PLCL1: variants seen among roughly 807,000 people sequenced by gnomAD.
The protein encoded by PLCL1 is phospholipase C like 1 (inactive).
Under a neutral mutation model 84.4 loss-of-function variants are expected in PLCL1, and 41 were observed. The ratio of observed to expected loss-of-function variants is 0.49; its 90% CI spans 0.38 to 0.63. The LOEUF is 0.63. Among genes scored for constraint, PLCL1 ranks in the 30% least tolerant of loss-of-function variants. The pLI, the probability that PLCL1 is intolerant of heterozygous loss-of-function variation, is 0.00. For synonymous variants in PLCL1, 490 were observed against 488.3 expected, an observed-to-expected ratio of 1.00 and a Z score of -0.05; for missense variants, 1,206 against 1,367.8, an observed-to-expected ratio of 0.88 and a Z score of 1.87.
At chr2:197,858,730 T>G (rs1033059892) in intron 1 of PLCL1, among the ~76,000 whole-genome samples, 1 of 152,150 alleles carries the variant, frequency 6.6e-6, no homozygotes, top group Non-Finnish European at 1.5e-5. Context: ...ATTCCAAAAC[T>G]TAGCAGCTTA....
At position 198,147,056 on chromosome 2, in the gene PLCL1, A is replaced by G. The variant is rs1364053334; in HGVS notation, c.*94A>G. 5 of 988,208 alleles carry G rather than the reference A, an allele frequency of 5.1e-6. No individual in the cohort carries two copies. Among genetic ancestry groups the G allele is most frequent in the Non-Finnish European group, 7.3e-6 (5 of 684,030 alleles). The allele number at this position is 988,208 out of a possible 1,614,324, so 61.2% of individuals were successfully genotyped here. ...TTTAAATGTTTTATAAGTTCACAAAATGGTGCCCTATATGGGGTATTGGAC... is the reference window on the plus strand; with the variant it reads ...TTTAAATGTTTTATAAGTTCACAAAGTGGTGCCCTATATGGGGTATTGGAC... On this transcript the variant is annotated 3_prime_UTR_variant, in exon 6 of 6. Transcript: ENST00000428675.
chr2:198,055,521 G>T (rs1160223031), intron 1 of PLCL1, among the ~76,000 whole-genome samples: 5 of 144,828 alleles, frequency 3.5e-5, no homozygotes, highest in South Asian at 2.2e-4. Flanking sequence ...CTTTTATTTT[G>T]TTTTTTTTTT....
chr2:197,924,164 A>AGGGG (rs1688788103), intron 1 of PLCL1, among the ~76,000 whole-genome samples: 1 of 144,796 alleles, frequency 6.9e-6, no homozygotes, highest in South Asian at 2.2e-4. Flanking sequence ...AGGGAGAGGG[A>AGGGG]GAGGGAGAGG....
At chr2:197,902,943 C>T (rs1443079481) in intron 1 of PLCL1, among the ~76,000 whole-genome samples, 1 of 152,130 alleles carries the variant, frequency 6.6e-6, no homozygotes, top group Non-Finnish European at 1.5e-5. Flanking sequence ...ATACACTGTA[C>T]AAAATATATG....
chr2:198,107,569 T>C (rs1015855284), intron 5 of PLCL1, among the ~76,000 whole-genome samples: 1 of 151,944 alleles, frequency 6.6e-6, no homozygotes, highest in African/African-American at 2.4e-5. Context: ...TGTTAGCTGT[T>C]ATTTGTTTGT....
intron 5 of PLCL1, among the ~76,000 whole-genome samples, chr2:198,135,334 A>G (rs1694230601): frequency 1.3e-5 from 2 of 152,180 alleles, no homozygotes; most frequent in South Asian, 2.1e-4. Context: ...AAATGCAATT[A>G]ATTACCTTCA....
intron 1 of PLCL1, among the ~76,000 whole-genome samples, chr2:197,827,606 T>G (rs916330979): frequency 2.0e-5 from 3 of 152,278 alleles, no homozygotes; most frequent in African/African-American, 4.8e-5. Context: ...AATAAATCCA[T>G]TCAACTTTTG....
At chr2:198,141,261 CTT>C (rs1694379270) in intron 5 of PLCL1, among the ~76,000 whole-genome samples, 1 of 152,102 alleles carries the variant, frequency 6.6e-6, no homozygotes, top group Non-Finnish European at 1.5e-5. Context: ...GCATTGATAA[CTT>C]AGTGCAGTGG....
intron 1 of PLCL1, among the ~76,000 whole-genome samples, chr2:197,846,775 C>T (rs1227130339): frequency 2.0e-5 from 3 of 152,066 alleles, no homozygotes; most frequent in Non-Finnish European, 2.9e-5. Context: ...GGTGAGAAAG[C>T]AACGAAGTCG....
chr2:198,067,122 G>A (rs1378650619), intron 1 of PLCL1, among the ~76,000 whole-genome samples: 1 of 149,492 alleles, frequency 6.7e-6, no homozygotes, highest in Non-Finnish European at 1.5e-5. Context: ...CTTTTTTGTG[G>A]CCCTCTTTTT....
chr2:197,974,845 G>A (rs905029471), intron 1 of PLCL1, among the ~76,000 whole-genome samples: 1 of 152,222 alleles, frequency 6.6e-6, no homozygotes, highest in Admixed American at 6.5e-5. Context: ...GCTAGCTATA[G>A]TAAGAGTGAT....
intron 1 of PLCL1, among the ~76,000 whole-genome samples, chr2:198,017,179 T>G (rs1032718224): frequency 6.6e-6 from 1 of 152,248 alleles, no homozygotes; most frequent in African/African-American, 2.4e-5. Context: ...GATGCCCATT[T>G]AACATGCTCC....
At chr2:198,071,098 GCACACACA>G (rs56759346) in intron 1 of PLCL1, 10,808 of 147,648 alleles carry the variant, frequency 0.073, 1,005 homozygotes, top group African/African-American at 0.22. Context: ...TTTTAAGTAT[GCACACACA>G]CACACACACA....
At position 197,867,783 on chromosome 2, in the gene PLCL1, C is replaced by T. The variant is rs928964459; in HGVS notation, c.240+62444C>T. Among the ~76,000 whole-genome samples, 4 of 152,124 alleles carry T rather than the reference C, an allele frequency of 2.6e-5. No homozygotes were observed. In the East Asian group the frequency reaches 5.8e-4, roughly 22 times the overall value. On this transcript the variant is annotated intron_variant, in intron 1 of 5. Transcript: ENST00000428675. ...CTGCTCCAGGATTTCTAGCGTGGCT[C>T]ACTGTCCCCAACCAGACGTCCTTAT...
intron 1 of PLCL1, among the ~76,000 whole-genome samples, chr2:197,895,599 A>G (rs1163596896): frequency 2.6e-5 from 4 of 152,098 alleles, no homozygotes; most frequent in South Asian, 2.1e-4. Context: ...GAACATTTAT[A>G]TATATGTACT....
At chr2:197,867,732 T>C (rs1687575756) in intron 1 of PLCL1, among the ~76,000 whole-genome samples, 3 of 152,150 alleles carry the variant, frequency 2.0e-5, no homozygotes, top group Admixed American at 2.0e-4. Flanking sequence ...AGTAGTTAGA[T>C]GAACACTGCC....
At position 197,946,019 on chromosome 2, in the gene PLCL1, T is replaced by C. The variant is rs76984742; in HGVS notation, c.241-137739T>C. ...ACAAATATAAATTTAATGTCAACCA[T>C]GTACAATTTGACTATGCTAAATGCT... is the stretch of plus-strand genomic sequence containing the variant. On this transcript the variant is annotated intron_variant, in intron 1 of 5. Transcript: ENST00000428675. 9.6e-3 allele frequency among the ~76,000 whole-genome samples: 1,457 copies of C among 152,298 alleles called. 26 individuals are homozygous for C. Among genetic ancestry groups the C allele is most frequent in the African/African-American group, 0.033 (1,386 of 41,580 alleles).
intron 1 of PLCL1, among the ~76,000 whole-genome samples, chr2:197,963,294 G>T (rs1376187816): frequency 2.0e-5 from 3 of 152,102 alleles, no homozygotes; most frequent in Non-Finnish European, 4.4e-5. Flanking sequence ...GGGGCGAGAT[G>T]ATATCTCATT....
At chr2:197,955,564 G>A (rs552129342) in intron 1 of PLCL1, among the ~76,000 whole-genome samples, 46 of 151,266 alleles carry the variant, frequency 3.0e-4, no homozygotes, top group African/African-American at 1.0e-3. Context: ...TCAGGCCCTG[G>A]TGTGTGTTGT....
Sources: allele counts gnomAD v4.1 joint callset (sites outside exome capture counted in the v4.1 genomes callset), GRCh38; gene constraint gnomAD v4.1.1; transcripts MANE v1.5; gene names NCBI Gene and HGNC (gene_info 2026-07-23, HGNC 2026-07-21).